PDE4D: variants seen among roughly 807,000 people sequenced by gnomAD.
The protein encoded by PDE4D is 3',5'-cyclic-AMP phosphodiesterase 4D.
Under a neutral mutation model 87.4 loss-of-function variants are expected in PDE4D, and 24 were observed. The observed-to-expected ratio is 0.27, with a 90% CI of 0.20 to 0.39. The LOEUF is 0.39. PDE4D is among the 10% of genes least tolerant of loss of function. The pLI, the probability that PDE4D is intolerant of heterozygous loss-of-function variation, is 1.00. For synonymous variants in PDE4D, 384 were observed against 383.2 expected (o/e 1.00, Z -0.02); for missense variants, 714 against 1,041.0 (o/e 0.69, Z 4.32).
At chr5:59,621,527 A>C (rs1830356169) in intron 1 of PDE4D, among the ~76,000 whole-genome samples, 1 of 152,220 alleles carries the variant, frequency 6.6e-6, no homozygotes, top group African/African-American at 2.4e-5. Flanking sequence ...CAAAAGTATC[A>C]AAATAATGAT....
intron 1 of PDE4D, among the ~76,000 whole-genome samples, chr5:59,831,069 A>AG (rs1291822207): frequency 1.3e-5 from 2 of 152,022 alleles, no homozygotes; most frequent in African/African-American, 4.8e-5. Context: ...TTAAAGAAGG[A>AG]GAAAAAATAG....
At chr5:59,800,571 A>C (rs954419039) in intron 1 of PDE4D, among the ~76,000 whole-genome samples, 2 of 152,178 alleles carry the variant, frequency 1.3e-5, no homozygotes, top group Non-Finnish European at 2.9e-5. Flanking sequence ...AAAAGTGATA[A>C]AAATACAATC....
At chr5:60,317,707 C>G (rs1755769622) in intron 1 of PDE4D, among the ~76,000 whole-genome samples, 1 of 152,140 alleles carries the variant, frequency 6.6e-6, no homozygotes, top group Non-Finnish European at 1.5e-5. Flanking sequence ...TCATTGGTTT[C>G]AAAGAACATC....
chr5:59,976,498 C>T (rs535801325), intron 3 of PDE4D, among the ~76,000 whole-genome samples: 2 of 152,266 alleles, frequency 1.3e-5, no homozygotes, highest in Admixed American at 6.5e-5. Context: ...GACAAAGCTG[C>T]TCCCCCTTCA....
intron 3 of PDE4D, among the ~76,000 whole-genome samples, chr5:59,967,899 T>C (rs1760231697): frequency 6.6e-6 from 1 of 150,942 alleles, no homozygotes; most frequent in Non-Finnish European, 1.5e-5. Flanking sequence ...ATATATACTA[T>C]AGAATACTAT....
At chr5:60,045,217 T>C (rs1199708287) in intron 2 of PDE4D, among the ~76,000 whole-genome samples, 1 of 152,076 alleles carries the variant, frequency 6.6e-6, no homozygotes, top group Non-Finnish European at 1.5e-5. Context: ...TTGTTTGTTT[T>C]TTTCTTGTAA....
chr5:59,014,097 G>C (rs189922117), intron 6 of PDE4D, among the ~76,000 whole-genome samples: 1 of 151,262 alleles, frequency 6.6e-6, no homozygotes, highest in East Asian at 1.9e-4. Flanking sequence ...AATTCAACAG[G>C]ACTTCATGCT....
intron 2 of PDE4D, among the ~76,000 whole-genome samples, chr5:60,098,301 GT>G (rs1165687715): frequency 6.6e-6 from 1 of 151,884 alleles, no homozygotes; most frequent in Non-Finnish European, 1.5e-5. Flanking sequence ...GAATTATAAT[GT>G]ACCCAACACA....
At chr5:59,076,258 T>G (rs1387837856) in intron 5 of PDE4D, among the ~76,000 whole-genome samples, 1 of 152,146 alleles carries the variant, frequency 6.6e-6, no homozygotes, top group East Asian at 1.9e-4. Context: ...AGGAGCTCCT[T>G]GGCAGATAAA....
intron 1 of PDE4D, among the ~76,000 whole-genome samples, chr5:59,676,513 C>A (rs1392025979): frequency 6.6e-6 from 1 of 152,186 alleles, no homozygotes; most frequent in East Asian, 1.9e-4. Context: ...AACTAATAAA[C>A]CAACAGAGAG....
intron 5 of PDE4D, among the ~76,000 whole-genome samples, chr5:59,101,891 C>T (rs1770792233): frequency 1.3e-5 from 2 of 151,964 alleles, no homozygotes. Flanking sequence ...GTCTTTTCCA[C>T]TAAGAATTGG....
intron 1 of PDE4D, among the ~76,000 whole-genome samples, chr5:60,216,429 T>C (rs1446343794): frequency 6.6e-6 from 1 of 152,124 alleles, no homozygotes; most frequent in East Asian, 1.9e-4. Context: ...ATTGCTTCCT[T>C]CTTTATTTCA....
At chr5:59,454,457 C>T (rs139860124) in intron 1 of PDE4D, among the ~76,000 whole-genome samples, 363 of 152,302 alleles carry the variant, frequency 2.4e-3, no homozygotes, top group Admixed American at 6.5e-3. Flanking sequence ...CCATGTAAGA[C>T]GTGACTTGCT....
chr5:59,498,668 T>C (rs1320056294), intron 1 of PDE4D, among the ~76,000 whole-genome samples: 1 of 151,312 alleles, frequency 6.6e-6, no homozygotes, highest in Non-Finnish European at 1.5e-5. Context: ...ACAACAACAG[T>C]AAAAAAGGAC....
At chr5:60,223,470 T>C (rs879433488) in intron 1 of PDE4D, among the ~76,000 whole-genome samples, 3 of 152,082 alleles carry the variant, frequency 2.0e-5, no homozygotes, top group African/African-American at 7.2e-5. Context: ...CTGTTCTCTA[T>C]TGTAAGGCAG....
intron 1 of PDE4D, among the ~76,000 whole-genome samples, chr5:59,656,130 A>G (rs1393489525): frequency 6.6e-6 from 1 of 152,062 alleles, no homozygotes; most frequent in Admixed American, 6.6e-5. Context: ...CTCATACACA[A>G]TCACCTCACA....
At chr5:60,487,547 C>T (rs543340384) in intron 1 of PDE4D, among the ~76,000 whole-genome samples, 42 of 152,304 alleles carry the variant, frequency 2.8e-4, no homozygotes, top group African/African-American at 9.6e-4. Flanking sequence ...ATATTTGCTG[C>T]TTGCTCTCAG....
intron 1 of PDE4D, among the ~76,000 whole-genome samples, chr5:60,455,839 T>G (rs921400324): frequency 3.9e-5 from 6 of 152,170 alleles, no homozygotes; most frequent in African/African-American, 1.2e-4. Flanking sequence ...TCAAGTCTAG[T>G]TACTCAAAGT....
At chr5:60,375,115 T>G (rs754004881) in intron 1 of PDE4D, among the ~76,000 whole-genome samples, 1 of 152,202 alleles carries the variant, frequency 6.6e-6, no homozygotes, top group Non-Finnish European at 1.5e-5. Context: ...AATCAGAGTC[T>G]TGTTCTTTCT....
Sources: allele counts gnomAD v4.1 joint callset (sites outside exome capture counted in the v4.1 genomes callset), GRCh38; gene constraint gnomAD v4.1.1; transcripts MANE v1.5; gene names NCBI Gene and HGNC (gene_info 2026-07-23, HGNC 2026-07-21).